Variants in MICU1 observed in about 807,000 individuals in gnomAD.
MICU1 encodes the protein calcium uptake protein 1, mitochondrial.
Under a neutral mutation model 56.8 loss-of-function variants are expected in MICU1, and 45 were observed. The ratio of observed to expected loss-of-function variants is 0.79; its 90% CI spans 0.62 to 1.02. The LOEUF is 1.02. Among genes scored for constraint, MICU1 ranks in the 50% least tolerant of loss-of-function variants. The pLI, the probability that MICU1 is intolerant of heterozygous loss-of-function variation, is 0.00. For missense variants in MICU1, 504 were observed against 587.1 expected (o/e 0.86, Z 1.46); for synonymous variants, 186 against 195.1 (o/e 0.95, Z 0.39).
At chr10:72,465,503 CTTTTTTTTTT>C (rs10586216) in intron 8 of MICU1, among the ~76,000 whole-genome samples, 31 of 57,778 alleles carry the variant, frequency 5.4e-4, no homozygotes, top group South Asian at 4.3e-3. Flanking sequence ...CTGTTCAGGT[CTTTTTTTTTT>C]TTTTTTTTTT....
chr10:72,381,409 A>G (rs1338743227), intron 10 of MICU1, among the ~76,000 whole-genome samples: 1 of 152,130 alleles, frequency 6.6e-6, no homozygotes, highest in Non-Finnish European at 1.5e-5. Flanking sequence ...TTCCTTAAAG[A>G]GCATGTGTCC....
At chr10:72,454,811 A>C (rs1473357782) in intron 8 of MICU1, among the ~76,000 whole-genome samples, 1 of 151,880 alleles carries the variant, frequency 6.6e-6, no homozygotes, top group Non-Finnish European at 1.5e-5. Flanking sequence ...AAAAACAAAA[A>C]ATATAAAACA....
chr10:72,514,885 A>G (rs1211920377), intron 5 of MICU1, among the ~76,000 whole-genome samples: 6 of 152,158 alleles, frequency 3.9e-5, no homozygotes, highest in Non-Finnish European at 5.9e-5. Flanking sequence ...TCTCCCATGT[A>G]TCTCCTTACA....
At chr10:72,439,104 G>A (rs1161248149) in intron 8 of MICU1, among the ~76,000 whole-genome samples, 1 of 152,096 alleles carries the variant, frequency 6.6e-6, no homozygotes, top group East Asian at 1.9e-4. Flanking sequence ...CAAAAAAAGA[G>A]AATTTTAGAC....
rs147415995 is a variant in MICU1 at position 72,378,321 on chromosome 10, G to A, written c.1181-2449C>T. Among the ~76,000 whole-genome samples the A allele has an allele frequency of 1.1e-4, 17 of 152,292 alleles. No homozygotes were observed. The East Asian group carries it at 2.7e-3, about 24-fold the overall frequency. On this transcript the variant is annotated intron_variant, in intron 10 of 11. Coordinates refer to ENST00000361114, the MANE Select transcript of MICU1 (RefSeq NM_001195518.2). ...CAAATGGTAATCCCCAGTGTTGGAG[G>A]AGGGGCCTGGTAGGAGGTTACTGGA...
At chr10:72,474,012 T>C (rs1174978694) in intron 8 of MICU1, among the ~76,000 whole-genome samples, 1 of 151,814 alleles carries the variant, frequency 6.6e-6, no homozygotes, top group Non-Finnish European at 1.5e-5. Context: ...ATCCCAGCAC[T>C]ATGGGAGGCC....
chr10:72,539,553 C>A (rs894511320), intron 4 of MICU1, among the ~76,000 whole-genome samples: 1 of 151,924 alleles, frequency 6.6e-6, no homozygotes, highest in African/African-American at 2.4e-5. Context: ...AAAATGGAAA[C>A]GCAATATGTT....
intron 10 of MICU1, chr10:72,391,999 T>C (rs1863090536): frequency 6.6e-6 from 1 of 152,216 alleles, no homozygotes; most frequent in Non-Finnish European, 1.5e-5. Context: ...CAAACTGGAA[T>C]GATTTGGAGA....
intron 8 of MICU1, among the ~76,000 whole-genome samples, chr10:72,456,960 T>G (rs113621273): frequency 1.6e-4 from 23 of 141,734 alleles, no homozygotes; most frequent in African/African-American, 7.1e-4. Flanking sequence ...TGTGTGTGTG[T>G]GTGTGTGTGT....
At chr10:72,602,871 G>T (rs1841577584) in intron 1 of MICU1, among the ~76,000 whole-genome samples, 1 of 152,224 alleles carries the variant, frequency 6.6e-6, no homozygotes, top group South Asian at 2.1e-4. Flanking sequence ...ACTTCGGGAG[G>T]CCGAGGCAGG....
intron 1 of MICU1, among the ~76,000 whole-genome samples, chr10:72,588,593 T>G (rs1460123867): frequency 6.6e-6 from 1 of 152,088 alleles, no homozygotes; most frequent in African/African-American, 2.4e-5. Context: ...CAGTTAGACA[T>G]AAAAATTGGT....
intron 1 of MICU1, among the ~76,000 whole-genome samples, chr10:72,615,027 GA>G (rs1221608754): frequency 2.0e-5 from 3 of 152,150 alleles, no homozygotes; most frequent in Non-Finnish European, 4.4e-5. Flanking sequence ...CTTAATTTCT[GA>G]AAAGGGCAAA....
chr10:72,385,022 G>A (rs1375765854), intron 10 of MICU1, among the ~76,000 whole-genome samples: 3 of 152,068 alleles, frequency 2.0e-5, no homozygotes, highest in Non-Finnish European at 2.9e-5. Flanking sequence ...CATTCTTGCT[G>A]TGAATTTGCC....
Position 72,375,856 on chromosome 10 carries a change from C to A in MICU1, c.1197G>T (p.Val399=). The change falls in exon 11 of 12, where the codon GTG becomes GTT. Residue 399 remains valine, a synonymous_variant. Coordinates refer to ENST00000361114, the MANE Select transcript of MICU1 (RefSeq NM_001195518.2). ...GCTCCACTTTAGCCACTGTCCTGGC[C>A]ACCTGCTGCATGGTCACTGAAAAAA... ...ASLDKVTMQQ[V]ARTVAKVELS... is the part of the protein sequence containing the mutation. The A allele has an allele frequency of 6.2e-7, 1 of 1,613,254 alleles. No homozygotes were observed. The highest frequency in any genetic ancestry group is 8.5e-7 in the Non-Finnish European group (1 of 1,179,642).
At chr10:72,620,913 C>T (rs1842089140) in intron 1 of MICU1, among the ~76,000 whole-genome samples, 1 of 152,116 alleles carries the variant, frequency 6.6e-6, no homozygotes, top group Non-Finnish European at 1.5e-5. Context: ...TACAGGTATC[C>T]ACTCTATCGT....
At chr10:72,625,740 G>C (rs1038535459) in intron 1 of MICU1, among the ~76,000 whole-genome samples, 2 of 152,208 alleles carry the variant, frequency 1.3e-5, no homozygotes, top group East Asian at 1.9e-4. Context: ...CCCGGCACTG[G>C]GAGAAGTTCT....
intron 1 of MICU1, among the ~76,000 whole-genome samples, chr10:72,617,130 TAGA>T (rs1398840456): frequency 1.3e-5 from 2 of 152,232 alleles, no homozygotes; most frequent in Non-Finnish European, 2.9e-5. Flanking sequence ...TCACCAGAAA[TAGA>T]AGACCAGTTT....
intron 6 of MICU1, among the ~76,000 whole-genome samples, chr10:72,492,282 G>C (rs1376255591): frequency 6.6e-6 from 1 of 152,082 alleles, no homozygotes; most frequent in Non-Finnish European, 1.5e-5. Flanking sequence ...AAGTAGACTA[G>C]AAAAGCAAGG....
intron 6 of MICU1, among the ~76,000 whole-genome samples, chr10:72,481,802 G>A (rs1564894226): frequency 6.6e-6 from 1 of 152,110 alleles, no homozygotes; most frequent in East Asian, 1.9e-4. Context: ...CTTTCTACAC[G>A]ATTTCCAAAA....
Sources: gnomAD v4.1 joint callset for allele counts (sites outside exome capture counted in the v4.1 genomes callset) on GRCh38, gnomAD v4.1.1 for gene constraint, MANE v1.5 for transcripts, NCBI Gene and HGNC (gene_info 2026-07-23, HGNC 2026-07-21) for gene names.